Variants in TRAF3 observed in about 807,000 individuals in gnomAD.
TRAF3 encodes TNF receptor associated factor 3.
In TRAF3, 13 loss-of-function variants were observed where a neutral mutation model predicts 62.3. That is an observed-to-expected ratio of 0.21 (90% CI 0.14 to 0.33). TRAF3 has a LOEUF of 0.33. Ranked by LOEUF, TRAF3 falls within the 10% of genes least tolerant of loss-of-function variation. The pLI is 1.00. For missense variants in TRAF3, 440 were observed against 741.8 expected (o/e 0.59, Z 4.73); for synonymous variants, 269 against 283.4 (o/e 0.95, Z 0.51).
At chr14:102,805,450 T>A (rs1181479544) in intron 1 of TRAF3, among the ~76,000 whole-genome samples, 1 of 152,180 alleles carries the variant, frequency 6.6e-6, no homozygotes, top group Non-Finnish European at 1.5e-5. Context: ...AGACCCTCAC[T>A]GCCCTCGGTG....
At chr14:102,829,584 A>G (rs918858090) in intron 1 of TRAF3, among the ~76,000 whole-genome samples, 1 of 152,206 alleles carries the variant, frequency 6.6e-6, no homozygotes, top group African/African-American at 2.4e-5. Flanking sequence ...CCAAAAGCAC[A>G]GTTGCAGCCG....
At chr14:102,782,761 A>G (rs1323918216) in intron 1 of TRAF3, among the ~76,000 whole-genome samples, 16 of 151,918 alleles carry the variant, frequency 1.1e-4, no homozygotes, top group Non-Finnish European at 1.2e-4. Flanking sequence ...AGGCCATTCT[A>G]CCAAGAAAGA....
At chr14:102,856,097 CAAAAAAAA>C (rs3070340) in intron 2 of TRAF3, among the ~76,000 whole-genome samples, 3 of 62,954 alleles carry the variant, frequency 4.8e-5, no homozygotes, top group African/African-American at 1.7e-4. Context: ...CCCTGTCTCA[CAAAAAAAA>C]AAAAAAAAAA....
At chr14:102,787,654 T>G (rs1188151655) in intron 1 of TRAF3, among the ~76,000 whole-genome samples, 1 of 152,090 alleles carries the variant, frequency 6.6e-6, no homozygotes, top group Non-Finnish European at 1.5e-5. Context: ...GCTACTGCAC[T>G]GCAGCCTGGG....
chr14:102,889,748 T>C lies in TRAF3; in HGVS notation c.726+114T>C, dbSNP rs74082955. 1.5e-3 allele frequency: 1,933 copies of C among 1,286,276 alleles called. 25 individuals carry two copies. In the African/African-American group the frequency reaches 0.024, roughly 16 times the overall value. The allele number at this position is 1,286,276 out of a possible 1,614,324, so 79.7% of individuals were successfully genotyped here. A position where few individuals can be genotyped will look rare whatever the true frequency, so the allele number is the denominator to read the frequency against. ...GACTCCTTATTCTTTGTCATGAAAC[T>C]GAAACACCCTGTTGCATGGGTGACG... On this transcript the variant is annotated intron_variant, in intron 8 of 11. Coordinates refer to ENST00000392745, the MANE Select transcript of TRAF3 (RefSeq NM_145725.3).
intron 1 of TRAF3, among the ~76,000 whole-genome samples, chr14:102,828,189 C>A (rs939115968): frequency 6.6e-6 from 1 of 152,216 alleles, no homozygotes; most frequent in African/African-American, 2.4e-5. Context: ...CTTTAAAAAT[C>A]TTCGTGATTG....
chr14:102,876,855 A>T (rs1193262562), intron 6 of TRAF3, among the ~76,000 whole-genome samples: 3 of 150,268 alleles, frequency 2.0e-5, no homozygotes, highest in African/African-American at 7.4e-5. Context: ...CAGTTCATAG[A>T]TAATCCGTTC....
At chr14:102,836,666 A>G (rs1266229507) in intron 2 of TRAF3, among the ~76,000 whole-genome samples, 1 of 152,234 alleles carries the variant, frequency 6.6e-6, no homozygotes, top group Non-Finnish European at 1.5e-5. Flanking sequence ...GGGTGGCCAC[A>G]TTTGATTATG....
At chr14:102,894,026 T>C (rs1302170046) in intron 9 of TRAF3, among the ~76,000 whole-genome samples, 2 of 152,200 alleles carry the variant, frequency 1.3e-5, no homozygotes, top group East Asian at 1.9e-4. Flanking sequence ...TTTGAGCGGG[T>C]TCACAAAGAC....
At position 102,903,382 on chromosome 14, in the gene TRAF3, A is replaced by G. The variant is rs1353616282; in HGVS notation, c.1088A>G (p.Glu363Gly). Residue 363 changes from glutamate to glycine, a missense_variant, in exon 11 of 12, where the codon GAG becomes GGG. Coordinates refer to ENST00000392745, the MANE Select transcript of TRAF3 (RefSeq NM_145725.3). The surrounding 1 kb of genome is among the most constrained non-coding windows in gnomAD (Gnocchi z 6.4). ...SVESLQNRVT[E>G]LESVDKSAGQ... is the part of the protein sequence containing the mutation. ...GAGTCCCTCCAGAACCGCGTGACCG[A>G]GCTGGAGAGCGTGGACAAGAGCGCG... 1 of 1,614,126 alleles carries G rather than the reference A, an allele frequency of 6.2e-7. No individual in the cohort carries two copies. The highest frequency in any genetic ancestry group is 1.7e-5 in the Admixed American group (1 of 60,026).
chr14:102,805,218 G>A lies in TRAF3; in HGVS notation c.-156-25116G>A, dbSNP rs187228313. Among the ~76,000 whole-genome samples, 325 of 152,322 alleles carry A rather than the reference G, an allele frequency of 2.1e-3. 1 individual carries two copies. Among genetic ancestry groups the A allele is most frequent in the African/African-American group, 7.7e-3 (320 of 41,566 alleles). On this transcript the variant is annotated intron_variant, in intron 1 of 11. Coordinates refer to ENST00000392745, the MANE Select transcript of TRAF3 (RefSeq NM_145725.3). ...CCCCATCACCACTCCCATCATGGGG[G>A]AGTTTGGAGGCCAGGAGATTCACTG...
chr14:102,822,877 A>G (rs191449147), intron 1 of TRAF3, among the ~76,000 whole-genome samples: 48 of 152,206 alleles, frequency 3.2e-4, no homozygotes, highest in Admixed American at 2.5e-3. Context: ...ATGGTGGCAC[A>G]TGCCTGTAAT....
chr14:102,872,579 G>C (rs1300497012), intron 4 of TRAF3, among the ~76,000 whole-genome samples: 2 of 152,262 alleles, frequency 1.3e-5, no homozygotes, highest in East Asian at 3.9e-4. Flanking sequence ...TTCTCTCCTG[G>C]GGCCTGGTCC....
At chr14:102,887,730 G>A (rs557716994) in intron 7 of TRAF3, among the ~76,000 whole-genome samples, 2 of 152,192 alleles carry the variant, frequency 1.3e-5, no homozygotes, top group South Asian at 4.2e-4. Context: ...GAGTAGCTGG[G>A]ACTACAGGCG....
In TRAF3 at chr14:102,794,161, G is replaced by GTC. The variant is rs34879884; in HGVS notation, c.-157+16498_-157+16499dup. Among the ~76,000 whole-genome samples, 11 of 151,666 alleles carry GTC rather than the reference G, an allele frequency of 7.3e-5. 3 individuals carry two copies. Among genetic ancestry groups the GTC allele is most frequent in the African/African-American group, 2.4e-4 (10 of 41,414 alleles). ...CTAGGAGAGGAAGTGGAAGCTGCCA[G>GTC]TCTCTCTCTCTCTTTCTTCTTTTTT... On this transcript the variant is annotated intron_variant, in intron 1 of 11. Coordinates refer to ENST00000392745, the MANE Select transcript of TRAF3 (RefSeq NM_145725.3).
intron 2 of TRAF3, among the ~76,000 whole-genome samples, chr14:102,831,700 G>A (rs1429106158): frequency 6.6e-6 from 1 of 152,112 alleles, no homozygotes; most frequent in Admixed American, 6.5e-5. Context: ...GCCTTTCTTG[G>A]CTTAGAACTT....
At position 102,870,180 on chromosome 14, in the gene TRAF3, G is replaced by C. The variant is rs186883133; in HGVS notation, c.-17-5G>C. 1 of 1,613,736 alleles carries C rather than the reference G, an allele frequency of 6.2e-7. No homozygotes were observed. Among genetic ancestry groups the C allele is most frequent in the Non-Finnish European group, 8.5e-7 (1 of 1,179,974 alleles). The stretch of plus-strand genomic sequence containing the variant: ...TGATGGCACTCTACTGTTTTTTCCC[G>C]ACAGAACTCCTCTTTCCTAAAATGG... On this transcript the variant is annotated splice_polypyrimidine_tract_variant and splice_region_variant and intron_variant, in intron 2 of 11. Transcript: ENST00000392745.
In TRAF3 at chr14:102,903,092, C is replaced by A; in HGVS notation, c.961-163C>A. ...TTGATCCCAGGGAGCTCCCAGGAGGCCTGATGCAGAGCCCCACTCCTGGAG... is the reference window on the plus strand; with the variant it reads ...TTGATCCCAGGGAGCTCCCAGGAGGACTGATGCAGAGCCCCACTCCTGGAG... On this transcript the variant is annotated intron_variant, in intron 10 of 11. Transcript: ENST00000392745. The surrounding 1 kb of genome is among the most constrained non-coding windows in gnomAD (Gnocchi z 6.4). The A allele has an allele frequency of 1.1e-6, 1 of 917,138 alleles. No homozygotes were observed. Among genetic ancestry groups the A allele is most frequent in the South Asian group, 1.4e-5 (1 of 72,272 alleles). The allele number at this position is 917,138 out of a possible 1,614,324, so 56.8% of individuals were successfully genotyped here. A position where few individuals can be genotyped will look rare whatever the true frequency, so the allele number is the denominator to read the frequency against.
intron 1 of TRAF3, among the ~76,000 whole-genome samples, chr14:102,778,597 C>CTGTGTG (rs3830958): frequency 2.2e-4 from 33 of 151,420 alleles, no homozygotes; most frequent in South Asian, 4.2e-4. Context: ...GTGTGTGTGC[C>CTGTGTG]TGTGTGTGTG....
Sources: allele counts gnomAD v4.1 joint callset (sites outside exome capture counted in the v4.1 genomes callset), GRCh38; gene constraint gnomAD v4.1.1; non-coding constraint Gnocchi (gnomAD v3.1); transcripts MANE v1.5; gene names NCBI Gene and HGNC (gene_info 2026-07-23, HGNC 2026-07-21).